Variants in NBAS observed in about 807,000 individuals in gnomAD.
NBAS encodes NBAS subunit of NRZ tethering complex, also known as NAG/BC035112 fusion.
A neutral mutation model predicts 302.5 loss-of-function variants in NBAS; 219 were observed. The ratio of observed to expected loss-of-function variants is 0.72; its 90% CI spans 0.65 to 0.81. NBAS has a LOEUF of 0.81. Among genes scored for constraint, NBAS ranks in the 30% least tolerant of loss-of-function variants. The probability of loss-of-function intolerance (pLI) is 0.00; values close to 1 mark genes in which losing one functional copy is unlikely to be tolerated. For missense variants in NBAS, 2,932 were observed against 2,841.6 expected (o/e 1.03, Z -0.72); for synonymous variants, 1,118 against 1,021.6 (o/e 1.09, Z -1.80).
Position 15,528,893 on chromosome 2 carries a change from ATATATG to A in NBAS, c.746+5644_746+5649del, listed in dbSNP as rs1304506928. Among the ~76,000 whole-genome samples, 37 of 146,234 alleles carry A rather than the reference ATATATG, an allele frequency of 2.5e-4. No individual in the cohort carries two copies. In the East Asian group the frequency reaches 2.6e-3, roughly 10 times the overall value. On this transcript the variant is annotated intron_variant, in intron 9 of 51. Transcript: ENST00000281513. ...AAAAAAAAAAAATATATATATATAT[ATATATG>A]TGTGTATATATATATACACACACAC...
At chr2:15,196,254 A>G (rs983573720) in intron 48 of NBAS, among the ~76,000 whole-genome samples, 4 of 152,240 alleles carry the variant, frequency 2.6e-5, no homozygotes, top group Non-Finnish European at 4.4e-5. Context: ...GGTGCTGGTT[A>G]TATGAACCTA....
chr2:15,309,147 C>G (rs1283967235), intron 39 of NBAS, 24 bp downstream of exon 39: 1 of 1,591,984 alleles, frequency 6.3e-7, no homozygotes, highest in South Asian at 1.1e-5. Context: ...ATTTTAAATT[C>G]TTCATTGGTA....
the NBAS span, among the ~76,000 whole-genome samples, chr2:14,871,453 G>GA: frequency 3.3e-5 from 5 of 151,986 alleles, no homozygotes; most frequent in South Asian, 1.0e-3. Flanking sequence ...ATTTCAGACA[G>GA]AAAAAAATGA....
At chr2:15,544,937 G>T (rs1664030569) in intron 6 of NBAS, among the ~76,000 whole-genome samples, 1 of 152,102 alleles carries the variant, frequency 6.6e-6, no homozygotes, top group African/African-American at 2.4e-5. Flanking sequence ...CTTGAACCCA[G>T]GAGGTGGAGG....
chr2:15,145,265 A>G, the NBAS span, among the ~76,000 whole-genome samples: 1 of 151,984 alleles, frequency 6.6e-6, no homozygotes. Flanking sequence ...CGGTTACTAG[A>G]TTTTGAGTGG....
chr2:15,553,778 TTCTC>T (rs543333552), intron 4 of NBAS, among the ~76,000 whole-genome samples: 1 of 43,658 alleles, frequency 2.3e-5, no homozygotes, highest in Non-Finnish European at 4.6e-5. Flanking sequence ...CCCTCCCTCT[TTCTC>T]TCTCTCCCTC....
the NBAS span, among the ~76,000 whole-genome samples, chr2:14,832,235 A>T: frequency 2.2e-4 from 34 of 152,278 alleles, no homozygotes; most frequent in African/African-American, 8.2e-4. Flanking sequence ...GAGAAGGAGC[A>T]CCTGGCTAAA....
At position 15,328,263 on chromosome 2, in the gene NBAS, T is replaced by C. The variant is rs1161094936; in HGVS notation, c.4397A>G (p.Asp1466Gly). ...AYQIGTTANE[D>G]LEKQGCHPFY... is the part of the protein sequence containing the mutation. The stretch of plus-strand genomic sequence containing the variant: ...AGGATGACACCCTTGTTTCTCTAGA[T>C]CTTCATTGGCTGTAGTTCCGATTTG... The change falls in exon 37 of 52, where the codon GAT (aspartate) becomes GGT (glycine). Residue 1466 changes from aspartate (D) to glycine (G), a missense_variant. Transcript: ENST00000281513. 1.2e-6 allele frequency: 2 copies of C among 1,613,986 alleles called. No homozygotes were observed. The highest frequency in any genetic ancestry group is 1.7e-5 in the Admixed American group (1 of 60,014).
chr2:14,787,663 G>A, the NBAS span, among the ~76,000 whole-genome samples: 1 of 152,176 alleles, frequency 6.6e-6, no homozygotes, highest in Non-Finnish European at 1.5e-5. Flanking sequence ...ACTCTCTTCT[G>A]GCTTGTAGAG....
chr2:15,228,418 A>G (rs1667234981), intron 47 of NBAS, among the ~76,000 whole-genome samples: 1 of 152,210 alleles, frequency 6.6e-6, no homozygotes, highest in Non-Finnish European at 1.5e-5. Context: ...CTGTTAGGGA[A>G]AACAGAATGG....
At chr2:15,473,186 T>C (rs373468504) in intron 16 of NBAS, 36 bp downstream of exon 16, 5 of 1,608,238 alleles carry the variant, frequency 3.1e-6, no homozygotes, top group East Asian at 2.2e-5. Context: ...TACATGAATA[T>C]ACATTTTACC....
chr2:14,814,213 T>C, the NBAS span, among the ~76,000 whole-genome samples: 4 of 152,162 alleles, frequency 2.6e-5, no homozygotes, highest in African/African-American at 9.7e-5. Context: ...AGCCCGCACA[T>C]AGAGTCCCCA....
At chr2:14,848,810 G>A in the NBAS span, among the ~76,000 whole-genome samples, 1 of 151,866 alleles carries the variant, frequency 6.6e-6, no homozygotes, top group Non-Finnish European at 1.5e-5. Flanking sequence ...CCCCCAGCAG[G>A]GGCACACTGA....
intron 47 of NBAS, among the ~76,000 whole-genome samples, chr2:15,229,275 A>T (rs1481697583): frequency 7.5e-6 from 1 of 132,878 alleles, no homozygotes; most frequent in Non-Finnish European, 1.6e-5. Flanking sequence ...CCGGGGGCAG[A>T]GGTTGCAGTG....
At chr2:14,955,851 G>A in the NBAS span, among the ~76,000 whole-genome samples, 2 of 152,164 alleles carry the variant, frequency 1.3e-5, no homozygotes, top group African/African-American at 4.8e-5. Flanking sequence ...TGATAAGAGG[G>A]ACTGCCATGA....
At chr2:15,247,521 A>G (rs1201966384) in intron 44 of NBAS, among the ~76,000 whole-genome samples, 1 of 152,164 alleles carries the variant, frequency 6.6e-6, no homozygotes, top group African/African-American at 2.4e-5. Flanking sequence ...ATGGAGGAAT[A>G]TTTAGCAAGC....
chr2:15,327,850 G>A lies in NBAS; in HGVS notation c.4482C>T (p.Thr1494=). ...AGCTTTCCACTGGAACATGCTGATA[G>A]GTGTCATAGGTCCCTTCAGACTACA... The part of the protein sequence containing the change: ...FVAESEGTYD[T]YQHVPVESFA... Residue 1494 remains threonine (T), a synonymous_variant, in exon 38 of 52, where the codon ACC becomes ACT. Coordinates refer to ENST00000281513, the MANE Select transcript of NBAS (RefSeq NM_015909.4). The A allele has an allele frequency of 6.2e-7, 1 of 1,613,450 alleles. No homozygotes were observed. The highest frequency in any genetic ancestry group is 2.2e-5 in the East Asian group (1 of 44,830).
the NBAS span, among the ~76,000 whole-genome samples, chr2:14,993,735 T>G: frequency 1.3e-5 from 2 of 152,178 alleles, no homozygotes; most frequent in African/African-American, 4.8e-5. Context: ...ACTCAAACAC[T>G]CCTAAATTTG....
chr2:15,205,707 G>T (rs1666107949), intron 48 of NBAS, among the ~76,000 whole-genome samples: 1 of 152,070 alleles, frequency 6.6e-6, no homozygotes, highest in Non-Finnish European at 1.5e-5. Context: ...CATGGGGGTG[G>T]ACTTCCCCTT....
Sources: gnomAD v4.1 joint callset for allele counts (sites outside exome capture counted in the v4.1 genomes callset) on GRCh38, gnomAD v4.1.1 for gene constraint, MANE v1.5 for transcripts, NCBI Gene and HGNC (gene_info 2026-07-23, HGNC 2026-07-21) for gene names.